The following NINJ2 variants were observed in gnomAD, a reference collection of about 807,000 sequenced individuals.
The protein encoded by NINJ2 is ninjurin 2.
Under a neutral mutation model 11.7 loss-of-function variants are expected in NINJ2, and 12 were observed. The ratio of observed to expected loss-of-function variants is 1.02; its 90% CI spans 0.66 to 1.66. The LOEUF is 1.66. Ranked by LOEUF, NINJ2 falls within the 40% of genes most tolerant of loss-of-function variation. NINJ2 has a pLI of 0.00. For missense variants in NINJ2, 187 were observed against 181.8 expected (o/e 1.03, Z -0.16); for synonymous variants, 93 against 76.8 (o/e 1.21, Z -1.10).
Position 601,641 on chromosome 12 carries a change from T to A in NINJ2, c.34-35463A>T, listed in dbSNP as rs145016905. On this transcript the variant is annotated intron_variant, in intron 1 of 3. Coordinates refer to ENST00000305108, the MANE Select transcript of NINJ2 (RefSeq NM_016533.6). The stretch of plus-strand genomic sequence containing the variant: ...CACTTTGGGAGGCCAAGGCAGGTGG[T>A]TCACCTCAGGTCAGGAGTTTGAGAC... Among the ~76,000 whole-genome samples the A allele has an allele frequency of 5.8e-3, 886 of 152,184 alleles. 11 individuals carry two copies. Among genetic ancestry groups the A allele is most frequent in the African/African-American group, 0.02 (840 of 41,528 alleles).
chr12:629,799 A>T (rs1948250198), intron 1 of NINJ2, among the ~76,000 whole-genome samples: 1 of 149,096 alleles, frequency 6.7e-6, no homozygotes, highest in African/African-American at 2.5e-5. Flanking sequence ...AGGCAGGAGA[A>T]TCACTTGAAC....
chr12:659,619 G>A (rs1235440988), intron 1 of NINJ2, among the ~76,000 whole-genome samples: 1 of 152,226 alleles, frequency 6.6e-6, no homozygotes, highest in Non-Finnish European at 1.5e-5. Flanking sequence ...AGCTGGTGGA[G>A]GCCACCTGCC....
At chr12:655,684 G>A (rs1242857305) in intron 1 of NINJ2, among the ~76,000 whole-genome samples, 14 of 152,192 alleles carry the variant, frequency 9.2e-5, no homozygotes, top group Non-Finnish European at 5.9e-5. Context: ...AGGCTGAGGC[G>A]GGTGGATCAC....
chr12:630,841 T>C (rs556861629), intron 1 of NINJ2: 1 of 152,208 alleles, frequency 6.6e-6, no homozygotes, highest in African/African-American at 2.4e-5. Context: ...CCAGCAGGCT[T>C]CCGGCCCTGC....
chr12:619,471 G>C (rs964914231), intron 1 of NINJ2, among the ~76,000 whole-genome samples: 5 of 152,196 alleles, frequency 3.3e-5, no homozygotes, highest in Non-Finnish European at 4.4e-5. Flanking sequence ...ACTGAGGAGA[G>C]AGGTGGGAAT....
chr12:622,950 T>C (rs1948171191), intron 1 of NINJ2, among the ~76,000 whole-genome samples: 1 of 152,134 alleles, frequency 6.6e-6, no homozygotes, highest in South Asian at 2.1e-4. Context: ...AAATTTGCCT[T>C]CTCCTAGTTG....
At position 614,446 on chromosome 12, in the gene NINJ2, C is replaced by T. The variant is rs1178924141; in HGVS notation, c.34-48268G>A. Among the ~76,000 whole-genome samples the T allele has an allele frequency of 2.0e-5, 3 of 151,970 alleles. No individual in the cohort carries two copies. Among genetic ancestry groups the T allele is most frequent in the Non-Finnish European group, 4.4e-5 (3 of 68,002 alleles). ...GATCATCTGTGCGTGAGCTTCATGC[C>T]CAGGGGACATGGTGGGGTGGGGGTG... On this transcript the variant is annotated intron_variant, in intron 1 of 3. Transcript: ENST00000305108. The surrounding 1 kb of genome is among the most constrained non-coding windows in gnomAD (Gnocchi z 5.1).
At chr12:572,548 C>A (rs967353714) in intron 1 of NINJ2, among the ~76,000 whole-genome samples, 3 of 152,222 alleles carry the variant, frequency 2.0e-5, no homozygotes, top group Admixed American at 2.0e-4. Context: ...GGTATCAGTC[C>A]TCTTGTCAGA....
intron 1 of NINJ2, among the ~76,000 whole-genome samples, chr12:622,789 T>C (rs1339445508): frequency 6.6e-6 from 1 of 152,088 alleles, no homozygotes; most frequent in African/African-American, 2.4e-5. Context: ...TTCTTTTTTT[T>C]TTAATTTTAA....
intron 1 of NINJ2, among the ~76,000 whole-genome samples, chr12:599,340 C>G (rs1038744460): frequency 6.6e-6 from 1 of 152,060 alleles, no homozygotes; most frequent in South Asian, 2.1e-4. Flanking sequence ...GCCGAGATTG[C>G]GCCGTCGCAC....
chr12:610,485 C>T lies in NINJ2; in HGVS notation c.34-44307G>A, dbSNP rs954838785. On this transcript the variant is annotated intron_variant, in intron 1 of 3. Coordinates refer to ENST00000305108, the MANE Select transcript of NINJ2 (RefSeq NM_016533.6). The stretch of plus-strand genomic sequence containing the variant: ...CTGAGAGGAAAAGGGTCAGCGAGCA[C>T]AGCCTTCTGCCCCCGTGGGTCCCCA... The T allele has an allele frequency of 8.5e-6, 13 of 1,529,166 alleles. No individual in the cohort carries two copies. The African/African-American group carries it at 1.2e-4, about 15-fold the overall frequency. 94.7% of individuals were successfully genotyped at this position (1,529,166 alleles called of 1,614,324 possible).
chr12:637,578 T>G (rs976665292), intron 1 of NINJ2, among the ~76,000 whole-genome samples: 3 of 150,508 alleles, frequency 2.0e-5, no homozygotes, highest in African/African-American at 7.4e-5. Flanking sequence ...GAGGCAGAGG[T>G]TGCAGTGAGC....
chr12:637,619 C>T (rs538961674), intron 1 of NINJ2, among the ~76,000 whole-genome samples: 13 of 147,920 alleles, frequency 8.8e-5, no homozygotes, highest in South Asian at 2.1e-4. Flanking sequence ...CCAGCCTAGG[C>T]GACAGAGTGA....
At chr12:572,388 G>A (rs2535415) in intron 1 of NINJ2, among the ~76,000 whole-genome samples, 46,485 of 152,138 alleles carry the variant, frequency 0.31, 7,902 homozygotes, top group Non-Finnish European at 0.39. Flanking sequence ...CAAAATGACC[G>A]ACTGCCCGGG....
At chr12:632,173 G>C (rs1490294797) in intron 1 of NINJ2, 1 of 152,202 alleles carries the variant, frequency 6.6e-6, no homozygotes, top group African/African-American at 2.4e-5. Flanking sequence ...TCAGGATATG[G>C]AAAAAGATTG....
At chr12:610,729 CTTTTTTTTT>C (rs71045085) in intron 1 of NINJ2, 12 of 208,262 alleles carry the variant, frequency 5.8e-5, no homozygotes, top group African/African-American at 1.4e-4. Flanking sequence ...GAAATCTATT[CTTTTTTTTT>C]TTTTTTTTTT....
At chr12:607,764 T>A (rs969686744) in intron 1 of NINJ2, among the ~76,000 whole-genome samples, 3 of 152,104 alleles carry the variant, frequency 2.0e-5, no homozygotes, top group African/African-American at 7.2e-5. Context: ...TCCAAATTGC[T>A]TTTTCAGGCA....
chr12:587,730 C>G (rs569032883), intron 1 of NINJ2, among the ~76,000 whole-genome samples: 1 of 152,340 alleles, frequency 6.6e-6, no homozygotes, highest in Non-Finnish European at 1.5e-5. Context: ...GCCTCACAGG[C>G]AGGTCACCAG....
chr12:565,827 C>T, intron 2 of NINJ2, 123 bp downstream of exon 2: 1 of 847,828 alleles, frequency 1.2e-6, no homozygotes, highest in Non-Finnish European at 2.0e-6. Flanking sequence ...GGGCTCACTG[C>T]AGGTCAGCGT....
Sources: allele counts gnomAD v4.1 joint callset (sites outside exome capture counted in the v4.1 genomes callset), GRCh38; gene constraint gnomAD v4.1.1; non-coding constraint Gnocchi (gnomAD v3.1); transcripts MANE v1.5; gene names NCBI Gene and HGNC (gene_info 2026-07-23, HGNC 2026-07-21).